The following APBA2 variants were observed in gnomAD, a reference collection of about 807,000 sequenced individuals.
The protein encoded by APBA2 is amyloid-beta A4 precursor protein-binding family A member 2.
APBA2 carries 30 observed loss-of-function variants against 75.0 expected under a neutral mutation model. The ratio of observed to expected loss-of-function variants is 0.40; its 90% CI spans 0.30 to 0.54. The LOEUF is 0.54. Ranked by LOEUF, APBA2 falls within the 20% of genes least tolerant of loss-of-function variation. The pLI, the probability that APBA2 is intolerant of heterozygous loss-of-function variation, is 0.49. For missense variants in APBA2, 801 were observed against 1,016.1 expected, an observed-to-expected ratio of 0.79 and a Z score of 2.88; for synonymous variants, 444 against 409.6, an observed-to-expected ratio of 1.08 and a Z score of -1.01.
chr15:29,070,661 A>G (rs79564030), intron 4 of APBA2: 9,238 of 175,848 alleles, frequency 0.053, 642 homozygotes, highest in African/African-American at 0.17. Flanking sequence ...GGCGTCTGAA[A>G]GAAGACGTCC....
intron 2 of APBA2, among the ~76,000 whole-genome samples, chr15:28,941,653 C>T (rs752459309): frequency 6.6e-6 from 1 of 152,220 alleles, no homozygotes; most frequent in Non-Finnish European, 1.5e-5. Flanking sequence ...GTCAGGGGCA[C>T]ACAGGGAGGC....
chr15:29,090,610 T>C (rs577441462), intron 6 of APBA2, among the ~76,000 whole-genome samples: 1 of 152,226 alleles, frequency 6.6e-6, no homozygotes, highest in African/African-American at 2.4e-5. Context: ...ATAAGGACAC[T>C]CGCCCAAGGC....
At chr15:29,078,861 A>G (rs1294616713) in intron 6 of APBA2, among the ~76,000 whole-genome samples, 1 of 152,136 alleles carries the variant, frequency 6.6e-6, no homozygotes, top group East Asian at 1.9e-4. Context: ...TAGGAAAGCA[A>G]AGGTTTTCTG....
intron 8 of APBA2, among the ~76,000 whole-genome samples, chr15:29,096,838 C>T (rs1281679961): frequency 2.6e-5 from 4 of 152,248 alleles, no homozygotes; most frequent in Admixed American, 6.5e-5. Flanking sequence ...TTATTCACCT[C>T]GGTGGGCAAA....
chr15:29,057,015 C>T (rs565905193), intron 4 of APBA2, among the ~76,000 whole-genome samples: 63 of 152,214 alleles, frequency 4.1e-4, no homozygotes, highest in Non-Finnish European at 7.1e-4. Context: ...ACAGCCAGGC[C>T]GTGCCAGGAG....
At chr15:29,055,469 G>A (rs1473982316) in intron 4 of APBA2, among the ~76,000 whole-genome samples, 2 of 152,278 alleles carry the variant, frequency 1.3e-5, no homozygotes, top group East Asian at 3.9e-4. Flanking sequence ...TTTAATTATA[G>A]CAAAGTCAGC....
At chr15:28,946,807 G>A (rs574457543) in intron 2 of APBA2, among the ~76,000 whole-genome samples, 21 of 152,268 alleles carry the variant, frequency 1.4e-4, no homozygotes, top group African/African-American at 4.3e-4. Context: ...TTGAACTCCT[G>A]GGCTCAAGGG....
chr15:28,914,834 G>T (rs1247640235), intron 1 of APBA2, among the ~76,000 whole-genome samples: 4 of 151,928 alleles, frequency 2.6e-5, no homozygotes, highest in African/African-American at 9.7e-5. Context: ...CGCCAACTGA[G>T]CCTGGCCTTG....
At chr15:28,990,639 G>A (rs2038179546) in intron 2 of APBA2, 1 of 152,154 alleles carries the variant, frequency 6.6e-6, no homozygotes, top group African/African-American at 2.4e-5. Flanking sequence ...CTCTGCCTTT[G>A]GCTTTGTGAG....
At chr15:28,941,965 T>C (rs900651128) in intron 2 of APBA2, among the ~76,000 whole-genome samples, 1 of 152,110 alleles carries the variant, frequency 6.6e-6, no homozygotes, top group African/African-American at 2.4e-5. Flanking sequence ...TTGACCGTGT[T>C]AGCCAGGATG....
At chr15:28,983,651 A>G (rs8025184) in intron 2 of APBA2, among the ~76,000 whole-genome samples, 48,361 of 152,042 alleles carry the variant, frequency 0.32, 13,290 homozygotes, top group African/African-American at 0.73. Flanking sequence ...CTCGCGGTGT[A>G]GGAGGATCCA....
At chr15:29,110,655 A>T (rs1350549516) in intron 13 of APBA2, among the ~76,000 whole-genome samples, 1 of 152,152 alleles carries the variant, frequency 6.6e-6, no homozygotes, top group Non-Finnish European at 1.5e-5. Flanking sequence ...GGGCACACAG[A>T]GGTTTAGTGA....
At chr15:28,924,912 C>T (rs941877576) in intron 2 of APBA2, among the ~76,000 whole-genome samples, 3 of 152,134 alleles carry the variant, frequency 2.0e-5, no homozygotes, top group Admixed American at 6.5e-5. Flanking sequence ...CCCATCCTAG[C>T]CAACACTTGT....
chr15:29,036,228 T>A (rs748389925), intron 3 of APBA2, among the ~76,000 whole-genome samples: 3 of 146,442 alleles, frequency 2.0e-5, no homozygotes, highest in Non-Finnish European at 4.5e-5. Flanking sequence ...TACATATATA[T>A]ATATTTTTTG....
rs556311035 is a variant in APBA2 at position 29,005,933 on chromosome 15, A to G, written c.-41+10127A>G. ...AGAAAAGAAAGAGTTTAATACCGCA[A>G]CATAATAAAGACCATACAGGCAAAG... On this transcript the variant is annotated intron_variant, in intron 3 of 14. Coordinates refer to ENST00000683413, the MANE Select transcript of APBA2 (RefSeq NM_001353788.2). 1.4e-4 allele frequency among the ~76,000 whole-genome samples: 22 copies of G among 152,302 alleles called. No homozygotes were observed. In the South Asian group the frequency reaches 2.9e-3, roughly 20 times the overall value.
In APBA2 at chr15:29,054,705, C is replaced by G; in HGVS notation, c.821C>G (p.Pro274Arg). ...CCACCCATCAAGGCCAGCTGCAGCC[C>G]CAGCAGGCACGAGGCGAGGCCCAAG... ...ACPPIKASCS[P>R]SRHEARPKSL... The change falls in exon 4 of 15, where the codon CCC (proline) becomes CGC (arginine). Residue 274 changes from proline (P) to arginine (R), a missense_variant. Transcript: ENST00000683413. The surrounding 1 kb of genome is among the most constrained non-coding windows in gnomAD (Gnocchi z 6.1). The G allele has an allele frequency of 6.2e-7, 1 of 1,613,850 alleles. No homozygotes were observed. Among genetic ancestry groups the G allele is most frequent in the Non-Finnish European group, 8.5e-7 (1 of 1,179,994 alleles).
intron 1 of APBA2, among the ~76,000 whole-genome samples, chr15:28,904,664 G>A (rs1395634591): frequency 6.6e-6 from 1 of 152,176 alleles, no homozygotes; most frequent in Non-Finnish European, 1.5e-5. Flanking sequence ...CAGTGTTGGT[G>A]GCTCCCCTCG....
In APBA2 at chr15:29,054,257, A is replaced by G. The variant is rs1439301976; in HGVS notation, c.373A>G (p.Ser125Gly). The G allele has an allele frequency of 1.2e-6, 2 of 1,614,156 alleles. No homozygotes were observed. The highest frequency in any genetic ancestry group is 2.2e-5 in the South Asian group (2 of 91,088). The change falls in exon 4 of 15, where the codon AGT becomes GGT. Residue 125 changes from serine (S) to glycine (G), a missense_variant. Around this residue, in one of 2 missense-constraint regions of APBA2, gnomAD observed 434 missense variants for 471.6 expected, o/e 0.92. Transcript: ENST00000683413. This position sits in a 1 kb window ranked among gnomAD's most constrained non-coding sequence, Gnocchi z 6.1. Reference protein sequence around the residue: ...DCNGEEYLAHSAHPVDTDECQ... With the variant: ...DCNGEEYLAHGAHPVDTDECQ... ...CAACGGGGAGGAGTACCTGGCCCAC[A>G]GTGCACACCCTGTGGACACTGATGA... is the stretch of plus-strand genomic sequence containing the variant.
chr15:29,099,618 C>T (rs1384891931), intron 9 of APBA2, among the ~76,000 whole-genome samples: 1 of 152,218 alleles, frequency 6.6e-6, no homozygotes, highest in Non-Finnish European at 1.5e-5. Flanking sequence ...CCATGGTTGT[C>T]AGTTCGGGTG....
Sources: gnomAD v4.1 joint callset for allele counts (sites outside exome capture counted in the v4.1 genomes callset) on GRCh38, gnomAD v4.1.1 for gene constraint, gnomAD v4.1.1 regional missense constraint, Gnocchi (gnomAD v3.1) non-coding constraint, MANE v1.5 for transcripts, NCBI Gene and HGNC (gene_info 2026-07-23, HGNC 2026-07-21) for gene names.